PLAGL1: variants seen among roughly 807,000 people sequenced by gnomAD.
PLAGL1 encodes the protein PLAG1 like zinc finger 1.
A neutral mutation model predicts 4.6 loss-of-function variants in PLAGL1; 1 was observed. The ratio of observed to expected loss-of-function variants is 0.22; its 90% confidence interval spans 0.08 to 1.03. The LOEUF (loss-of-function observed/expected upper bound fraction) is 1.03. Among genes scored for constraint, PLAGL1 ranks in the 50% least tolerant of loss-of-function variants. PLAGL1 has a pLI of 0.58. For synonymous variants in PLAGL1, 240 were observed against 237.8 expected (o/e 1.01, Z -0.08); for missense variants, 464 against 570.4 (o/e 0.81, Z 1.90).
At chr6:143,977,274 A>G (rs551260244) in intron 2 of PLAGL1, among the ~76,000 whole-genome samples, 2 of 152,176 alleles carry the variant, frequency 1.3e-5, no homozygotes, top group Non-Finnish European at 2.9e-5. Flanking sequence ...TTATAACATC[A>G]TACAGAGAAG....
chr6:144,032,544 T>C (rs963482244), intron 1 of PLAGL1, among the ~76,000 whole-genome samples: 1 of 152,130 alleles, frequency 6.6e-6, no homozygotes, highest in Non-Finnish European at 1.5e-5. Flanking sequence ...AGTTCAGTTT[T>C]GGTTGTGTTT....
rs1162847013 is a variant in PLAGL1, at chr6:143,978,229, T to C, written c.-544+6906A>G. ...TTTCTTCTGCTCACTGCAGGTTTAA[T>C]TTGTTTCTCTTTTTCTAGTTTCCAA... On this transcript the variant is annotated intron_variant, in intron 2 of 7. Transcript: ENST00000674357. This position sits in a 1 kb window ranked among gnomAD's most constrained non-coding sequence, Gnocchi z 4.6. Among the ~76,000 whole-genome samples, 1 of 152,180 alleles carries C rather than the reference T, an allele frequency of 6.6e-6. No homozygotes were observed. The highest frequency in any genetic ancestry group is 6.5e-5 in the Admixed American group (1 of 15,284).
chr6:143,950,638 T>C lies in PLAGL1; in HGVS notation c.-324-2178A>G, dbSNP rs1382134125. Among the ~76,000 whole-genome samples, 1 of 152,192 alleles carries C rather than the reference T, an allele frequency of 6.6e-6. No homozygotes were observed. Among genetic ancestry groups the C allele is most frequent in the Admixed American group, 6.5e-5 (1 of 15,274 alleles). On this transcript the variant is annotated intron_variant, in intron 6 of 7. Transcript: ENST00000674357. The surrounding 1 kb of genome is among the most constrained non-coding windows in gnomAD (Gnocchi z 6.3). The stretch of plus-strand genomic sequence containing the variant: ...TTTATAGCTGAACTCAAAATAGCAC[T>C]CGTCCCACTCGCCCCTTCAGAGAAG...
intron 1 of PLAGL1, among the ~76,000 whole-genome samples, chr6:144,051,309 C>T (rs77243892): frequency 0.046 from 6,944 of 152,244 alleles, 226 homozygotes; most frequent in Non-Finnish European, 0.069. Context: ...GAAAAAGATC[C>T]ATTCAGGCAT....
chr6:143,972,688 G>A lies in PLAGL1; in HGVS notation c.-543-3710C>T, dbSNP rs1785663209. Among the ~76,000 whole-genome samples the A allele has an allele frequency of 6.6e-6, 1 of 152,142 alleles. No individual in the cohort carries two copies. Among genetic ancestry groups the A allele is most frequent in the African/African-American group, 2.4e-5 (1 of 41,426 alleles). On this transcript the variant is annotated intron_variant, in intron 2 of 7. Coordinates refer to ENST00000674357, the MANE Select transcript of PLAGL1 (RefSeq NM_001317162.2). The surrounding 1 kb of genome is among the most constrained non-coding windows in gnomAD (Gnocchi z 6.8). ...GAACGTAGCTTCCAAGTTCAAAGAT[G>A]TTTTAAAATATAATGAATGAAAGAT...
Position 143,983,051 on chromosome 6 carries a change from T to C in PLAGL1, c.-544+2084A>G, listed in dbSNP as rs1437497628. ...CGACAGAGGACAAGTACAGAGACTG[T>C]GCTCAGGGACAGCCAATGTTTGGAG... On this transcript the variant is annotated intron_variant, in intron 2 of 7. Coordinates refer to ENST00000674357, the MANE Select transcript of PLAGL1 (RefSeq NM_001317162.2). The surrounding 1 kb of genome is among the most constrained non-coding windows in gnomAD (Gnocchi z 6.6). 6.6e-6 allele frequency among the ~76,000 whole-genome samples: 1 copy of C among 152,154 alleles called. No individual in the cohort carries two copies. Among genetic ancestry groups the C allele is most frequent in the Non-Finnish European group, 1.5e-5 (1 of 68,020 alleles).
intron 1 of PLAGL1, among the ~76,000 whole-genome samples, chr6:144,021,931 T>C (rs1186410901): frequency 2.6e-5 from 4 of 152,096 alleles, no homozygotes; most frequent in Admixed American, 6.5e-5. Context: ...TAACTTAATA[T>C]TCCTATTTTA....
Position 143,941,343 on chromosome 6 carries a change from A to G in PLAGL1, c.*81T>C. 8.6e-7 allele frequency: 1 copy of G among 1,157,818 alleles called. No individual in the cohort carries two copies. Among genetic ancestry groups the G allele is most frequent in the Non-Finnish European group, 1.2e-6 (1 of 839,132 alleles). The allele number at this position is 1,157,818 out of a possible 1,614,324, so 71.7% of individuals were successfully genotyped here. A position where few individuals can be genotyped will look rare whatever the true frequency, so the allele number is the denominator to read the frequency against. ...CCATAGTCCCAGTCTCGTTTTCCAA[A>G]TCTTTCTCATATTGTAACTGACATT... is the stretch of plus-strand genomic sequence containing the variant. On this transcript the variant is annotated 3_prime_UTR_variant, in exon 8 of 8. Coordinates refer to ENST00000674357, the MANE Select transcript of PLAGL1 (RefSeq NM_001317162.2). This position sits in a 1 kb window ranked among gnomAD's most constrained non-coding sequence, Gnocchi z 6.0.
Position 143,941,347 on chromosome 6 carries a change from T to C in PLAGL1, c.*77A>G. The C allele has an allele frequency of 8.5e-7, 1 of 1,179,212 alleles. No homozygotes were observed. Among genetic ancestry groups the C allele is most frequent in the Non-Finnish European group, 1.2e-6 (1 of 856,634 alleles). 73.0% of individuals were successfully genotyped at this position (1,179,212 alleles called of 1,614,324 possible). ...AGTCCCAGTCTCGTTTTCCAAATCT[T>C]TCTCATATTGTAACTGACATTTAAA... On this transcript the variant is annotated 3_prime_UTR_variant, in exon 8 of 8. Transcript: ENST00000674357. The surrounding 1 kb of genome is among the most constrained non-coding windows in gnomAD (Gnocchi z 6.0).
Position 144,064,525 on chromosome 6 carries a change from G to C in PLAGL1, c.-208C>G, listed in dbSNP as rs1420465888. The C allele has an allele frequency of 6.6e-6, 1 of 152,244 alleles. No individual in the cohort carries two copies. The highest frequency in any genetic ancestry group is 1.5e-5 in the Non-Finnish European group (1 of 68,078). 9.4% of individuals were successfully genotyped at this position (152,244 alleles called of 1,614,324 possible). ...TGGAGTCCGGAGCCCGTGGCCCACT[G>C]GGTCAGCTCCGGCCGGCGGGTCCGG... On this transcript the variant is annotated 5_prime_UTR_variant, in exon 1 of 4. Coordinates refer to the PLAGL1 transcript ENST00000437412. The surrounding 1 kb of genome is among the most constrained non-coding windows in gnomAD (Gnocchi z 6.8).
At chr6:143,976,674 A>G (rs1016163366) in intron 2 of PLAGL1, among the ~76,000 whole-genome samples, 1 of 152,216 alleles carries the variant, frequency 6.6e-6, no homozygotes, top group Non-Finnish European at 1.5e-5. Context: ...ATGTCTTGCT[A>G]AAGAAACTCA....
chr6:143,941,979 T>C lies in PLAGL1; in HGVS notation c.837A>G (p.Pro279=), dbSNP rs764195119. ...EQAAQPMQPL[P]ESLASLHPSV... ...AGGGGTGGAGGGAGGCCAGGGACTC[T>C]GGCAGCGGCTGCATAGGCTGGGCGG... The change falls in exon 8 of 8, where the codon CCA becomes CCG. Residue 279 remains proline, a synonymous_variant. Transcript: ENST00000674357. The surrounding 1 kb of genome is among the most constrained non-coding windows in gnomAD (Gnocchi z 6.0). 1.9e-6 allele frequency: 3 copies of C among 1,594,730 alleles called. No homozygotes were observed. The highest frequency in any genetic ancestry group is 2.6e-6 in the Non-Finnish European group (3 of 1,169,560).
rs2128541335 is a variant in PLAGL1, at chr6:143,955,226, G to A, written c.-325+5243C>T. ...AGTAAAAGTTGAAGCTAGCGTAGAA[G>A]TTTACAACGTGTTCAAGAGGGAGGT... is the stretch of plus-strand genomic sequence containing the variant. On this transcript the variant is annotated intron_variant, in intron 6 of 7. Transcript: ENST00000674357. This position sits in a 1 kb window ranked among gnomAD's most constrained non-coding sequence, Gnocchi z 4.9. 6.6e-6 allele frequency among the ~76,000 whole-genome samples: 1 copy of A among 152,320 alleles called. No individual in the cohort carries two copies. Among genetic ancestry groups the A allele is most frequent in the Non-Finnish European group, 1.5e-5 (1 of 68,024 alleles).
intron 1 of PLAGL1, among the ~76,000 whole-genome samples, chr6:144,054,522 C>A (rs576544474): frequency 5.3e-5 from 8 of 152,292 alleles, no homozygotes; most frequent in Admixed American, 3.9e-4. Flanking sequence ...ACTGCACGTT[C>A]TCACTTGTAA....
At chr6:144,044,998 T>C in intron 1 of PLAGL1, among the ~76,000 whole-genome samples, 1 of 100,298 alleles carries the variant, frequency 1.0e-5, no homozygotes, top group African/African-American at 4.4e-5. Flanking sequence ...TTGCAACCCC[T>C]GCTTTTTTTT....
At chr6:144,045,386 C>T (rs1254576247) in intron 1 of PLAGL1, among the ~76,000 whole-genome samples, 1 of 152,036 alleles carries the variant, frequency 6.6e-6, no homozygotes, top group Non-Finnish European at 1.5e-5. Context: ...CTGGTGGTGA[C>T]AAAAATCTCT....
At chr6:144,017,608 T>A (rs1795653690) in intron 1 of PLAGL1, among the ~76,000 whole-genome samples, 1 of 152,222 alleles carries the variant, frequency 6.6e-6, no homozygotes, top group Non-Finnish European at 1.5e-5. Flanking sequence ...GTTAAATGCC[T>A]CTGCTAGTTG....
At chr6:144,030,804 G>A (rs1201057321) in intron 1 of PLAGL1, among the ~76,000 whole-genome samples, 2 of 152,320 alleles carry the variant, frequency 1.3e-5, no homozygotes, top group East Asian at 3.9e-4. Context: ...AAACATGAGT[G>A]TGCAAGTATC....
At chr6:144,013,066 C>T (rs958338172), upstream of PLAGL1, among the ~76,000 whole-genome samples, 4 of 152,200 alleles carry the variant, frequency 2.6e-5, no homozygotes, top group East Asian at 3.8e-4. This position sits in a 1 kb window ranked among gnomAD's most constrained non-coding sequence, Gnocchi z 4.4. Flanking sequence ...GGGTTGCCAG[C>T]GTGGTCACTG....
Sources: allele counts gnomAD v4.1 joint callset (sites outside exome capture counted in the v4.1 genomes callset), GRCh38; gene constraint gnomAD v4.1.1; non-coding constraint Gnocchi (gnomAD v3.1); transcripts MANE v1.5; gene names NCBI Gene and HGNC (gene_info 2026-07-23, HGNC 2026-07-21).